The following VDAC1 variants were observed in gnomAD, a reference collection of about 807,000 sequenced individuals.
VDAC1 encodes voltage dependent anion channel 1.
Under a neutral mutation model 34.7 loss-of-function variants are expected in VDAC1, and 10 were observed. That is an observed-to-expected ratio of 0.29 (90% CI 0.18 to 0.49). The LOEUF is 0.49. VDAC1 is among the 20% of genes least tolerant of loss of function. The probability of loss-of-function intolerance (pLI) is 0.99; values close to 1 mark genes in which losing one functional copy is unlikely to be tolerated. For missense variants in VDAC1, 230 were observed against 347.9 expected (o/e 0.66, Z 2.69); for synonymous variants, 130 against 136.0 (o/e 0.96, Z 0.30).
chr5:134,086,790 C>T, the VDAC1 span, among the ~76,000 whole-genome samples: 1 of 152,310 alleles, frequency 6.6e-6, no homozygotes, highest in East Asian at 1.9e-4. Context: ...AGACTCAGCA[C>T]ATTCCCATCC....
At chr5:133,994,673 C>G (rs1377451208) in intron 1 of VDAC1, among the ~76,000 whole-genome samples, 1 of 152,108 alleles carries the variant, frequency 6.6e-6, no homozygotes, top group Non-Finnish European at 1.5e-5. Context: ...CCTAGGAGAA[C>G]AACTCTGGAT....
chr5:134,012,588 A>C, the VDAC1 span, among the ~76,000 whole-genome samples: 1 of 152,198 alleles, frequency 6.6e-6, no homozygotes, highest in Non-Finnish European at 1.5e-5. Context: ...AGCATCATCT[A>C]TGTGACACAA....
the VDAC1 span, among the ~76,000 whole-genome samples, chr5:134,111,309 G>A: frequency 0.019 from 2,932 of 152,284 alleles, 99 homozygotes; most frequent in African/African-American, 0.067. Flanking sequence ...GCTCATTTGC[G>A]TGAAGATGAA....
chr5:134,025,757 G>A, the VDAC1 span, among the ~76,000 whole-genome samples: 1 of 151,700 alleles, frequency 6.6e-6, no homozygotes, highest in East Asian at 1.9e-4. Flanking sequence ...GCCCAGCTAA[G>A]TTTCTTTTCA....
the VDAC1 span, among the ~76,000 whole-genome samples, chr5:134,093,151 A>G: frequency 1.3e-5 from 2 of 152,236 alleles, no homozygotes; most frequent in Non-Finnish European, 2.9e-5. Flanking sequence ...GCACAGGTGC[A>G]TTTCAATTGA....
chr5:134,019,417 A>G, the VDAC1 span, among the ~76,000 whole-genome samples: 1 of 152,082 alleles, frequency 6.6e-6, no homozygotes, highest in South Asian at 2.1e-4. Context: ...GTCTCTATGA[A>G]AAATTAAAAA....
At chr5:133,983,817 G>A (rs543570644) in intron 5 of VDAC1, among the ~76,000 whole-genome samples, 7 of 152,098 alleles carry the variant, frequency 4.6e-5, no homozygotes, top group Non-Finnish European at 7.4e-5. Context: ...GATTGGTGCT[G>A]TCCTCCCAAT....
At chr5:133,975,750 C>G in intron 7 of VDAC1, 121 bp downstream of exon 7, 1 of 1,465,908 alleles carries the variant, frequency 6.8e-7, no homozygotes, top group Non-Finnish European at 9.3e-7. Context: ...TGAGTCACGG[C>G]GCCCAGCAGC....
chr5:134,046,666 C>T, the VDAC1 span, among the ~76,000 whole-genome samples: 6 of 152,178 alleles, frequency 3.9e-5, no homozygotes, highest in South Asian at 2.1e-4. Flanking sequence ...AGAACTCAGG[C>T]GGTGGGTCCC....
At chr5:133,995,964 G>A (rs1359773004) in intron 1 of VDAC1, among the ~76,000 whole-genome samples, 2 of 151,804 alleles carry the variant, frequency 1.3e-5, no homozygotes, top group Admixed American at 6.6e-5. Context: ...GCTCCAAATC[G>A]GAGCCTGTAC....
chr5:133,980,454 T>C (rs1429175314), intron 6 of VDAC1, among the ~76,000 whole-genome samples: 1 of 152,116 alleles, frequency 6.6e-6, no homozygotes, highest in Non-Finnish European at 1.5e-5. Flanking sequence ...TGACACCATG[T>C]CCCTGCTGTA....
chr5:134,059,599 T>C, the VDAC1 span, among the ~76,000 whole-genome samples: 1 of 152,112 alleles, frequency 6.6e-6, no homozygotes, highest in Non-Finnish European at 1.5e-5. Flanking sequence ...CCCACAGGCC[T>C]CTGAGCATCA....
Position 133,980,797 on chromosome 5 carries a change from T to A in VDAC1, c.483A>T (p.Lys161Asn). The A allele has an allele frequency of 6.3e-7, 1 of 1,581,086 alleles. No individual in the cohort carries two copies. The stretch of plus-strand genomic sequence containing the variant: ...CAAAGTTGCTCTGGGTCACTCGGGA[T>A]TTTGCAGTCTCAAAATTCATCTGGT... Reference protein sequence around the residue: ...AGYQMNFETAKSRVTQSNFAV... With the variant: ...AGYQMNFETANSRVTQSNFAV... The change falls in exon 6 of 9, where the codon AAA becomes AAT. Residue 161 changes from lysine (K) to asparagine (N), a missense_variant. Coordinates refer to ENST00000265333, the MANE Select transcript of VDAC1 (RefSeq NM_003374.3).
chr5:134,025,299 A>G, the VDAC1 span, among the ~76,000 whole-genome samples: 1 of 152,090 alleles, frequency 6.6e-6, no homozygotes, highest in Non-Finnish European at 1.5e-5. Flanking sequence ...TCTTTTAAGC[A>G]ATCAGATCTC....
rs1276389080 is a variant in VDAC1 at position 133,980,715 on chromosome 5, C to A, written c.551+14G>T. The stretch of plus-strand genomic sequence containing the variant: ...CCCCACCCCTCCCACCCTGCTGCCC[C>A]CATGTACACTTACACATTAGTGTGA... On this transcript the variant is annotated intron_variant, in intron 6 of 8. Transcript: ENST00000265333. 6.4e-7 allele frequency: 1 copy of A among 1,554,878 alleles called. No homozygotes were observed.
intron 1 of VDAC1, among the ~76,000 whole-genome samples, chr5:134,002,540 C>G (rs1173104960): frequency 3.3e-5 from 5 of 152,152 alleles, no homozygotes; most frequent in Non-Finnish European, 7.4e-5. Flanking sequence ...CTTGGAAAAC[C>G]AGAGAATGAA....
At chr5:134,113,253 A>AC in the VDAC1 span, among the ~76,000 whole-genome samples, 1 of 151,470 alleles carries the variant, frequency 6.6e-6, no homozygotes, top group African/African-American at 2.4e-5. Flanking sequence ...TGCCCATGCC[A>AC]CCCCCCAGCC....
At chr5:134,080,361 G>A in the VDAC1 span, among the ~76,000 whole-genome samples, 1 of 152,240 alleles carries the variant, frequency 6.6e-6, no homozygotes, top group East Asian at 1.9e-4. Context: ...CTCACTCTGG[G>A]CCAGAAAAGC....
At chr5:134,111,705 T>C in the VDAC1 span, among the ~76,000 whole-genome samples, 14 of 152,226 alleles carry the variant, frequency 9.2e-5, no homozygotes, top group African/African-American at 3.4e-4. Context: ...GGCTCCATAT[T>C]AGTGACAGCT....
Sources: gnomAD v4.1 joint callset for allele counts (sites outside exome capture counted in the v4.1 genomes callset) on GRCh38, gnomAD v4.1.1 for gene constraint, MANE v1.5 for transcripts, NCBI Gene and HGNC (gene_info 2026-07-23, HGNC 2026-07-21) for gene names.